The following IGF2BP2 variants were observed in gnomAD, a reference collection of about 807,000 sequenced individuals.
IGF2BP2 encodes insulin-like growth factor 2 mRNA-binding protein 2.
Under a neutral mutation model 75.8 loss-of-function variants are expected in IGF2BP2, and 17 were observed. The ratio of observed to expected loss-of-function variants is 0.22; its 90% CI spans 0.15 to 0.34. IGF2BP2 has a LOEUF of 0.34. Ranked by LOEUF, IGF2BP2 falls within the 10% of genes least tolerant of loss-of-function variation. The pLI is 1.00. For synonymous variants in IGF2BP2, 288 were observed against 295.6 expected (o/e 0.97, Z 0.26); for missense variants, 516 against 772.4 (o/e 0.67, Z 3.93).
At chr3:185,670,066 A>T (rs1577900376) in intron 10 of IGF2BP2, among the ~76,000 whole-genome samples, 1 of 152,208 alleles carries the variant, frequency 6.6e-6, no homozygotes, top group South Asian at 2.1e-4. Context: ...ACTGGATTAG[A>T]AGCTACTCTA....
At chr3:185,824,141 C>A (rs964433076) in intron 1 of IGF2BP2, among the ~76,000 whole-genome samples, 1 of 150,938 alleles carries the variant, frequency 6.6e-6, no homozygotes, top group African/African-American at 2.4e-5. Flanking sequence ...GGGAAAGGAC[C>A]GAGGGGATGT....
At chr3:185,716,279 G>A (rs761896873) in intron 2 of IGF2BP2, among the ~76,000 whole-genome samples, 17 of 152,012 alleles carry the variant, frequency 1.1e-4, no homozygotes, top group Admixed American at 8.5e-4. Flanking sequence ...CCTCTGCCCA[G>A]CATATTTTTG....
At chr3:185,786,198 C>T (rs1044703703) in intron 2 of IGF2BP2, among the ~76,000 whole-genome samples, 4 of 151,954 alleles carry the variant, frequency 2.6e-5, no homozygotes, top group African/African-American at 9.7e-5. Flanking sequence ...GGCTGCAAGT[C>T]ATTACAACAG....
intron 1 of IGF2BP2, 73 bp downstream of exon 1, chr3:185,824,710 T>G (rs573767226): frequency 8.7e-7 from 1 of 1,153,876 alleles, no homozygotes; most frequent in African/African-American, 1.6e-5. Flanking sequence ...CCCGCCGGAC[T>G]CGGCCTCCCT....
chr3:185,788,090 A>G (rs1467793834), intron 2 of IGF2BP2, among the ~76,000 whole-genome samples: 1 of 152,182 alleles, frequency 6.6e-6, no homozygotes, highest in Non-Finnish European at 1.5e-5. Flanking sequence ...TGTTCCTACA[A>G]CAGGGCTCTG....
chr3:185,769,453 T>C (rs1733566633), intron 2 of IGF2BP2, among the ~76,000 whole-genome samples: 1 of 152,092 alleles, frequency 6.6e-6, no homozygotes, highest in African/African-American at 2.4e-5. Flanking sequence ...AAATAGTGAA[T>C]GCCATAACCA....
chr3:185,695,576 T>A (rs1334292884), intron 4 of IGF2BP2, among the ~76,000 whole-genome samples: 1 of 152,218 alleles, frequency 6.6e-6, no homozygotes, highest in East Asian at 1.9e-4. Context: ...GCCTGTCACA[T>A]CAGGAGTTTG....
chr3:185,682,446 A>G (rs534012056), intron 7 of IGF2BP2, among the ~76,000 whole-genome samples: 4 of 152,298 alleles, frequency 2.6e-5, no homozygotes, highest in African/African-American at 9.6e-5. Flanking sequence ...ACGCTCTTGG[A>G]CTTCCCAGAA....
At chr3:185,674,410 A>G (rs1718987178) in intron 9 of IGF2BP2, among the ~76,000 whole-genome samples, 1 of 152,198 alleles carries the variant, frequency 6.6e-6, no homozygotes, top group South Asian at 2.1e-4. Flanking sequence ...CTCTGAGCTG[A>G]GCTGGACTTT....
intron 9 of IGF2BP2, among the ~76,000 whole-genome samples, chr3:185,673,587 A>T (rs184467446): frequency 1.3e-5 from 2 of 152,316 alleles, no homozygotes; most frequent in East Asian, 3.9e-4. Context: ...GAGGCAGAGG[A>T]ACGTGGTCAC....
rs761100293 is a variant in IGF2BP2 at position 185,698,350 on chromosome 3, G to A, written c.240-3C>T. 3.1e-6 allele frequency: 5 copies of A among 1,613,712 alleles called. No individual in the cohort carries two copies. The highest frequency in any genetic ancestry group is 3.3e-5 in the Admixed American group (2 of 60,010). On this transcript the variant is annotated splice_region_variant and splice_polypyrimidine_tract_variant and intron_variant, in intron 2 of 15. Coordinates refer to ENST00000382199, the MANE Select transcript of IGF2BP2 (RefSeq NM_006548.6). ...TTCGAATCTGAATTTTCCTGCTCCT[G>A]TAAAGATAAAACCACAGACTATAAC...
At chr3:185,734,903 T>A (rs1254741534) in intron 2 of IGF2BP2, among the ~76,000 whole-genome samples, 8 of 152,124 alleles carry the variant, frequency 5.3e-5, no homozygotes, top group Non-Finnish European at 1.0e-4. Context: ...AACTCCGACG[T>A]GCCTCAATCT....
At chr3:185,675,220 C>T (rs1719145955) in intron 9 of IGF2BP2, 76 bp downstream of exon 9, 1 of 1,461,744 alleles carries the variant, frequency 6.8e-7, no homozygotes, top group Non-Finnish European at 9.3e-7. Flanking sequence ...TATCCTAAGG[C>T]ACTTCCTCAT....
chr3:185,820,978 A>G, intron 2 of IGF2BP2: 1 of 1,532,666 alleles, frequency 6.5e-7, no homozygotes, highest in South Asian at 1.2e-5. Flanking sequence ...GTCTCCATAT[A>G]ACATAAAAGC....
chr3:185,776,250 A>G (rs1272909859), intron 2 of IGF2BP2, among the ~76,000 whole-genome samples: 2 of 152,218 alleles, frequency 1.3e-5, no homozygotes, highest in Non-Finnish European at 2.9e-5. Context: ...TGCCTCTAAA[A>G]AAATAATAAA....
chr3:185,728,563 C>T (rs1158126971), intron 2 of IGF2BP2: 1 of 152,150 alleles, frequency 6.6e-6, no homozygotes, highest in Non-Finnish European at 1.5e-5. Context: ...ATCAACCAGC[C>T]AATCACAAAA....
At chr3:185,750,682 C>T (rs1006197572) in intron 2 of IGF2BP2, among the ~76,000 whole-genome samples, 9 of 152,208 alleles carry the variant, frequency 5.9e-5, no homozygotes, top group African/African-American at 1.2e-4. Context: ...GAAAAGATTA[C>T]GTGCAATCCT....
Position 185,696,534 on chromosome 3 carries a change from C to A in IGF2BP2, c.340+78G>T. ...AAAGAAATATGAACTTACTATTTCT[C>A]CCTGGAGTTGACCTAACCTATAAGA... On this transcript the variant is annotated intron_variant, in intron 4 of 15. Coordinates refer to ENST00000382199, the MANE Select transcript of IGF2BP2 (RefSeq NM_006548.6). The A allele has an allele frequency of 2.5e-6, 3 of 1,192,804 alleles. No homozygotes were observed. In the South Asian group the frequency reaches 3.7e-5, roughly 15 times the overall value. The allele number at this position is 1,192,804 out of a possible 1,614,324, so 73.9% of individuals were successfully genotyped here. A position where few individuals can be genotyped will look rare whatever the true frequency, so the allele number is the denominator to read the frequency against.
intron 2 of IGF2BP2, among the ~76,000 whole-genome samples, chr3:185,739,391 C>T (rs1425152277): frequency 1.3e-5 from 2 of 152,196 alleles, no homozygotes; most frequent in African/African-American, 2.4e-5. Context: ...ATTACTCTGT[C>T]AATTATTTTC....
Sources: allele counts gnomAD v4.1 joint callset (sites outside exome capture counted in the v4.1 genomes callset), GRCh38; gene constraint gnomAD v4.1.1; transcripts MANE v1.5; gene names NCBI Gene and HGNC (gene_info 2026-07-23, HGNC 2026-07-21).